ST6GAL1: variants seen among roughly 807,000 people sequenced by gnomAD.
ST6GAL1 encodes beta-galactoside alpha-2,6-sialyltransferase 1.
Under a neutral mutation model 38.0 loss-of-function variants are expected in ST6GAL1, and 20 were observed. That is an observed-to-expected ratio of 0.53 (90% CI 0.37 to 0.77). The LOEUF (loss-of-function observed/expected upper bound fraction) is 0.77. Among genes scored for constraint, ST6GAL1 ranks in the 30% least tolerant of loss-of-function variants. The pLI, the probability that ST6GAL1 is intolerant of heterozygous loss-of-function variation, is 0.00. For missense variants in ST6GAL1, 432 were observed against 496.4 expected (o/e 0.87, Z 1.23); for synonymous variants, 196 against 188.2 (o/e 1.04, Z -0.34).
Position 187,042,594 on chromosome 3 carries a change from C to T in ST6GAL1, c.-50-60C>T, listed in dbSNP as rs534603639. On this transcript the variant is annotated intron_variant, in intron 3 of 7. Coordinates refer to ENST00000169298, the MANE Select transcript of ST6GAL1 (RefSeq NM_173216.2). The stretch of plus-strand genomic sequence containing the variant: ...TCTATTGCTCAGTCCATCGCTCCGC[C>T]TCATGCCACATTGGGTTTTTCTTTA... The T allele has an allele frequency of 2.9e-4, 427 of 1,462,144 alleles. 4 individuals are homozygous for T. The South Asian group carries it at 5.6e-3, about 19-fold the overall frequency. The allele number at this position is 1,462,144 out of a possible 1,614,324, so 90.6% of individuals were successfully genotyped here.
chr3:187,030,406 G>C (rs904747888), intron 2 of ST6GAL1, among the ~76,000 whole-genome samples: 1 of 152,094 alleles, frequency 6.6e-6, no homozygotes. Context: ...AGTGAGTAGA[G>C]CTTAAAACAC....
At position 186,994,949 on chromosome 3, in the gene ST6GAL1, A is replaced by AAAC. The variant is rs34577462; in HGVS notation, c.-183+31025_-183+31026insCAA. ...CAGAGTGAGACTCCCTCTCAAAAACAAAAAAAAAAGAGACCCTTTAAAAAT... is the reference window on the plus strand; with the variant it reads ...CAGAGTGAGACTCCCTCTCAAAAACAAACAAAAAAAAAGAGACCCTTTAAAAAT... On this transcript the variant is annotated intron_variant, in intron 2 of 7. Coordinates refer to ENST00000169298, the MANE Select transcript of ST6GAL1 (RefSeq NM_173216.2). 5.7e-4 allele frequency among the ~76,000 whole-genome samples: 79 copies of AAAC among 138,630 alleles called. 1 individual carries two copies. The highest frequency in any genetic ancestry group is 8.7e-4 in the Non-Finnish European group (54 of 61,800). The allele number at this position is 138,630 out of a possible 152,430, so 90.9% of individuals were successfully genotyped here. A position where few individuals can be genotyped will look rare whatever the true frequency, so the allele number is the denominator to read the frequency against.
At chr3:187,070,300 G>A (rs1719316871) in intron 5 of ST6GAL1, among the ~76,000 whole-genome samples, 1 of 151,980 alleles carries the variant, frequency 6.6e-6, no homozygotes, top group South Asian at 2.1e-4. Flanking sequence ...GTAACATCTG[G>A]CAGTCTCTGC....
In ST6GAL1 at chr3:187,012,838, G is replaced by T. The variant is rs559076329; in HGVS notation, c.-182-25904G>T. On this transcript the variant is annotated intron_variant, in intron 2 of 7. Transcript: ENST00000169298. ...GAGGGTGGGAGGTGCGGTGAGTTTG[G>T]CCTGTTTTCCAAATGGAGGGGAAAT... Among the ~76,000 whole-genome samples, 5 of 152,324 alleles carry T rather than the reference G, an allele frequency of 3.3e-5. No homozygotes were observed. The South Asian group carries it at 1.0e-3, about 32-fold the overall frequency.
chr3:186,948,278 C>T (rs547722851), intron 1 of ST6GAL1, among the ~76,000 whole-genome samples: 1 of 152,328 alleles, frequency 6.6e-6, no homozygotes, highest in South Asian at 2.1e-4. Context: ...AAAGAGGGAC[C>T]AGGAAGGATA....
intron 2 of ST6GAL1, among the ~76,000 whole-genome samples, chr3:186,994,446 A>C (rs1361730749): frequency 2.0e-5 from 3 of 152,198 alleles, no homozygotes; most frequent in Non-Finnish European, 4.4e-5. Flanking sequence ...CACTGAGTGA[A>C]TTTTATATGA....
At chr3:186,979,900 G>T (rs1715638250) in intron 2 of ST6GAL1, among the ~76,000 whole-genome samples, 1 of 152,162 alleles carries the variant, frequency 6.6e-6, no homozygotes, top group African/African-American at 2.4e-5. Flanking sequence ...CACCAATCAG[G>T]TCAGTGATGT....
chr3:187,053,220 T>C (rs2108588307), intron 5 of ST6GAL1, among the ~76,000 whole-genome samples: 1 of 152,364 alleles, frequency 6.6e-6, no homozygotes, highest in East Asian at 1.9e-4. Flanking sequence ...ATGGATAGGT[T>C]ACAAAAATTT....
intron 2 of ST6GAL1, among the ~76,000 whole-genome samples, chr3:186,997,237 T>C (rs1716446189): frequency 6.6e-6 from 1 of 152,142 alleles, no homozygotes; most frequent in Non-Finnish European, 1.5e-5. Flanking sequence ...TCAAGCACTG[T>C]CATACGTGTT....
chr3:186,956,579 C>T (rs1281650144), intron 1 of ST6GAL1, among the ~76,000 whole-genome samples: 1 of 152,188 alleles, frequency 6.6e-6, no homozygotes, highest in Non-Finnish European at 1.5e-5. Context: ...CTGCTTCTGT[C>T]ACACAGTGCT....
At chr3:187,060,132 G>A (rs1173843619) in intron 5 of ST6GAL1, among the ~76,000 whole-genome samples, 1 of 152,142 alleles carries the variant, frequency 6.6e-6, no homozygotes, top group Non-Finnish European at 1.5e-5. Context: ...AAAGCAAGAA[G>A]GAGTCAAGCC....
Position 186,985,751 on chromosome 3 carries a change from G to A in ST6GAL1, c.-183+21825G>A, listed in dbSNP as rs369377942. Among the ~76,000 whole-genome samples, 41 of 151,010 alleles carry A rather than the reference G, an allele frequency of 2.7e-4. 1 individual carries two copies. Among genetic ancestry groups the A allele is most frequent in the African/African-American group, 1.0e-3 (41 of 41,144 alleles). ...GATTGCGCCACTGCGCTCCAGCCTG[G>A]GTGGCAGAGTGAGACCCTGTCTCAA... On this transcript the variant is annotated intron_variant, in intron 2 of 7. Coordinates refer to ENST00000169298, the MANE Select transcript of ST6GAL1 (RefSeq NM_173216.2).
chr3:187,012,268 C>CT (rs141542551), intron 2 of ST6GAL1, among the ~76,000 whole-genome samples: 27,030 of 148,986 alleles, frequency 0.18, 2,473 homozygotes, highest in African/African-American at 0.18. Context: ...TTTTTTTTTT[C>CT]TTTTTTTGAG....
chr3:187,028,830 A>G (rs1717636451), intron 2 of ST6GAL1, among the ~76,000 whole-genome samples: 1 of 152,178 alleles, frequency 6.6e-6, no homozygotes, highest in Non-Finnish European at 1.5e-5. Flanking sequence ...CTTTGGCGCT[A>G]TTTGACTTGT....
chr3:186,964,639 C>G (rs897379484), intron 2 of ST6GAL1, among the ~76,000 whole-genome samples: 1 of 152,048 alleles, frequency 6.6e-6, no homozygotes, highest in Non-Finnish European at 1.5e-5. Flanking sequence ...ACTCTGTTTC[C>G]CAATTTTTAT....
At chr3:186,936,618 A>C (rs2108513016) in intron 1 of ST6GAL1, among the ~76,000 whole-genome samples, 1 of 152,302 alleles carries the variant, frequency 6.6e-6, no homozygotes, top group Middle Eastern at 3.4e-3. Flanking sequence ...CAATGTAGTG[A>C]TTTAAATTTT....
intron 5 of ST6GAL1, among the ~76,000 whole-genome samples, chr3:187,062,430 C>T (rs554521469): frequency 2.6e-5 from 4 of 152,096 alleles, no homozygotes; most frequent in Admixed American, 2.6e-4. Flanking sequence ...CAGAAGGAAC[C>T]CAAGTGTCTG....
At chr3:187,042,175 A>G (rs1353877227) in intron 3 of ST6GAL1, among the ~76,000 whole-genome samples, 1 of 151,734 alleles carries the variant, frequency 6.6e-6, no homozygotes, top group Non-Finnish European at 1.5e-5. Flanking sequence ...TAGGAAGTTT[A>G]GGTCTGGTGA....
At chr3:187,008,399 A>T (rs1304311789) in intron 2 of ST6GAL1, among the ~76,000 whole-genome samples, 1 of 151,564 alleles carries the variant, frequency 6.6e-6, no homozygotes, top group Non-Finnish European at 1.5e-5. Flanking sequence ...GAAGGAAGAA[A>T]CCTATTCGAA....
Sources: allele counts gnomAD v4.1 joint callset (sites outside exome capture counted in the v4.1 genomes callset), GRCh38; gene constraint gnomAD v4.1.1; transcripts MANE v1.5; gene names NCBI Gene and HGNC (gene_info 2026-07-23, HGNC 2026-07-21).